The following PPP2R1B variants were observed in gnomAD, a reference collection of about 807,000 sequenced individuals.
The protein encoded by PPP2R1B is protein phosphatase 2 scaffold subunit Abeta, also known as serine/threonine-protein phosphatase 2A 65 kDa regulatory subunit A beta isoform.
In PPP2R1B, 58 loss-of-function variants were observed where a neutral mutation model predicts 72.7. The ratio of observed to expected loss-of-function variants is 0.80; its 90% CI spans 0.65 to 0.99. The LOEUF (loss-of-function observed/expected upper bound fraction) is 0.99, where lower values mean the gene tolerates loss of function less well. PPP2R1B is among the 50% of genes least tolerant of loss of function. The pLI is 0.00. For synonymous variants in PPP2R1B, 256 were observed against 264.6 expected (o/e 0.97, Z 0.32); for missense variants, 695 against 733.6 (o/e 0.95, Z 0.61).
At chr11:111,719,819 G>A in the PPP2R1B span, 5 of 1,614,142 alleles carry the variant, frequency 3.1e-6, no homozygotes, top group Non-Finnish European at 4.2e-6. Flanking sequence ...TCCTGGTGCG[G>A]AAGGGATGCC....
At chr11:111,752,903 C>A (rs1944962483) in intron 9 of PPP2R1B, among the ~76,000 whole-genome samples, 1 of 152,184 alleles carries the variant, frequency 6.6e-6, no homozygotes, top group Non-Finnish European at 1.5e-5. Context: ...GCGGAGCTTG[C>A]AGTGAGCAGA....
At position 111,738,121 on chromosome 11, in the gene PPP2R1B, G is replaced by A. The variant is rs1944393591; in HGVS notation, c.*3475C>T. 2 of 987,816 alleles carry A rather than the reference G, an allele frequency of 2.0e-6. No individual in the cohort carries two copies. Among genetic ancestry groups the A allele is most frequent in the South Asian group, 4.7e-5 (1 of 21,474 alleles). The allele number at this position is 987,816 out of a possible 1,614,324, so 61.2% of individuals were successfully genotyped here. On this transcript the variant is annotated 3_prime_UTR_variant, in exon 15 of 15. Transcript: ENST00000527614. ...GAAAGAGGAGAGTAAGGAACTGGAT[G>A]GAAACAGGAATACTGGAGAATCAAA...
chr11:111,726,818 T>C, downstream of PPP2R1B: 1 of 700,638 alleles, frequency 1.4e-6, no homozygotes, highest in Non-Finnish European at 2.5e-6. Context: ...TGTACACTAC[T>C]GTATCATCAT....
chr11:111,722,474 A>T (rs2135976382), downstream of PPP2R1B, among the ~76,000 whole-genome samples: 1 of 152,332 alleles, frequency 6.6e-6, no homozygotes, highest in East Asian at 1.9e-4. The surrounding 1 kb of genome is among the most constrained non-coding windows in gnomAD (Gnocchi z 4.4). Context: ...GAAGTAGGTG[A>T]GGTCAGAGAT....
intron 10 of PPP2R1B, among the ~76,000 whole-genome samples, chr11:111,751,527 T>C (rs1944907044): frequency 6.6e-6 from 1 of 152,228 alleles, no homozygotes; most frequent in Non-Finnish European, 1.5e-5. Flanking sequence ...GAAATGCTCA[T>C]TGGAGCATTC....
At chr11:111,717,026 C>A in the PPP2R1B span, among the ~76,000 whole-genome samples, 6 of 152,074 alleles carry the variant, frequency 3.9e-5, no homozygotes, top group African/African-American at 1.4e-4. Context: ...AAAAAAAGCT[C>A]AACAGCGGCC....
chr11:111,722,751 A>G (rs772221164), downstream of PPP2R1B: 4 of 1,613,954 alleles, frequency 2.5e-6, no homozygotes, highest in Non-Finnish European at 3.4e-6. This position sits in a 1 kb window ranked among gnomAD's most constrained non-coding sequence, Gnocchi z 4.4. Flanking sequence ...AGCTGCAGGA[A>G]CATAGGTGAG....
chr11:111,723,918 C>A (rs1362225983), downstream of PPP2R1B: 1 of 1,613,830 alleles, frequency 6.2e-7, no homozygotes, highest in Admixed American at 1.7e-5. Context: ...GCTGCTTCCC[C>A]TGCGCCAGAC....
chr11:111,735,808 G>T (rs145440736), downstream of PPP2R1B, among the ~76,000 whole-genome samples: 1 of 152,204 alleles, frequency 6.6e-6, no homozygotes, highest in Admixed American at 6.5e-5. Context: ...AGTCCACTAC[G>T]CACCCTAGAC....
chr11:111,703,130 C>G, the PPP2R1B span: 41 of 1,379,012 alleles, frequency 3.0e-5, no homozygotes, highest in African/African-American at 3.8e-4. Flanking sequence ...TGTACAAAGT[C>G]ACATGAGTCA....
chr11:111,722,106 T>G (rs1232939665), downstream of PPP2R1B, among the ~76,000 whole-genome samples: 4 of 152,230 alleles, frequency 2.6e-5, no homozygotes, highest in Admixed American at 2.0e-4. The surrounding 1 kb of genome is among the most constrained non-coding windows in gnomAD (Gnocchi z 4.4). Context: ...CGTGTTCAGA[T>G]CTAGCTTTGT....
intron 14 of PPP2R1B, 131 bp from the exon 15 acceptor site, chr11:111,741,743 C>G: frequency 9.6e-7 from 1 of 1,043,676 alleles, no homozygotes; most frequent in Non-Finnish European, 1.4e-6. Flanking sequence ...ACTGTCTTTA[C>G]TCAGCCAGGC....
the PPP2R1B span, among the ~76,000 whole-genome samples, chr11:111,705,306 AT>A: frequency 6.6e-6 from 1 of 152,166 alleles, no homozygotes; most frequent in Non-Finnish European, 1.5e-5. The surrounding 1 kb of genome is among the most constrained non-coding windows in gnomAD (Gnocchi z 4.3). Flanking sequence ...GCACTTCCTC[AT>A]TTTTAAGGGT....
chr11:111,717,491 G>T, the PPP2R1B span, among the ~76,000 whole-genome samples: 1 of 152,176 alleles, frequency 6.6e-6, no homozygotes, highest in Non-Finnish European at 1.5e-5. Flanking sequence ...TACACTGTTA[G>T]TGGGAGTGTA....
At chr11:111,749,539 C>T (rs1944825871) in intron 10 of PPP2R1B, among the ~76,000 whole-genome samples, 1 of 152,092 alleles carries the variant, frequency 6.6e-6, no homozygotes, top group Non-Finnish European at 1.5e-5. Context: ...CCCACCTAGG[C>T]CTCCCAAAGT....
In PPP2R1B at chr11:111,756,564, G is replaced by GT. The variant is rs1328766704; in HGVS notation, c.688-1115dup. ...TCAAAAAACTCAGATCAGGGTCGCA[G>GT]TAACAGGAGTGTAGGCAGCATAAGA... is the stretch of plus-strand genomic sequence containing the variant. On this transcript the variant is annotated intron_variant, in intron 5 of 14. Transcript: ENST00000527614. 3.3e-5 allele frequency among the ~76,000 whole-genome samples: 5 copies of GT among 152,330 alleles called. No individual in the cohort carries two copies. In the East Asian group the frequency reaches 9.6e-4, roughly 29 times the overall value.
Position 111,752,179 on chromosome 11 carries a change from G to T in PPP2R1B, c.1318C>A (p.Pro440Thr). The T allele has an allele frequency of 1.9e-6, 3 of 1,612,726 alleles. No homozygotes were observed. Among genetic ancestry groups the T allele is most frequent in the Non-Finnish European group, 1.7e-6 (2 of 1,179,342 alleles). ...CTCACCAGCTGGCCTGCCAGCAGCG[G>T]CATATACTCAATGATGGCCAGGCGG... ...RVRLAIIEYM[P>T]LLAGQLGVEF... The change falls in exon 10 of 15, where the codon CCG becomes ACG. Residue 440 changes from proline to threonine, a missense_variant. Transcript: ENST00000527614.
chr11:111,725,465 A>G (rs1943936266), downstream of PPP2R1B: 1 of 152,564 alleles, frequency 6.6e-6, no homozygotes, highest in South Asian at 2.1e-4. Context: ...TAAAAATTAG[A>G]TGCTACAGCT....
Position 111,740,419 on chromosome 11 carries a change from C to T in PPP2R1B, c.*1177G>A, listed in dbSNP as rs775058852. On this transcript the variant is annotated 3_prime_UTR_variant, in exon 15 of 15. Transcript: ENST00000527614. The stretch of plus-strand genomic sequence containing the variant: ...ATTTTTAGTAGAGATGGGGTTTCAC[C>T]ATGTTGGTCAGGCTGATCTCGAATT... The T allele has an allele frequency of 3.8e-4, 367 of 956,516 alleles. No individual in the cohort carries two copies. The highest frequency in any genetic ancestry group is 4.1e-4 in the Non-Finnish European group (326 of 803,892). The allele number at this position is 956,516 out of a possible 1,614,324, so 59.3% of individuals were successfully genotyped here.
Sources: gnomAD v4.1 joint callset for allele counts (sites outside exome capture counted in the v4.1 genomes callset) on GRCh38, gnomAD v4.1.1 for gene constraint, Gnocchi (gnomAD v3.1) non-coding constraint, MANE v1.5 for transcripts, NCBI Gene and HGNC (gene_info 2026-07-23, HGNC 2026-07-21) for gene names.